The following CCDC126 variants were observed in gnomAD, a reference collection of about 807,000 sequenced individuals.
CCDC126 encodes coiled-coil domain-containing protein 126.
CCDC126 carries 5 observed loss-of-function variants against 11.7 expected under a neutral mutation model. That is an observed-to-expected ratio of 0.43 (90% confidence interval 0.22 to 0.90). The LOEUF (loss-of-function observed/expected upper bound fraction) is 0.90. Among genes scored for constraint, CCDC126 ranks in the 40% least tolerant of loss-of-function variants. The pLI, the probability that CCDC126 is intolerant of heterozygous loss-of-function variation, is 0.27. For synonymous variants in CCDC126, 60 were observed against 61.9 expected, an observed-to-expected ratio of 0.97 and a Z score of 0.14; for missense variants, 150 against 163.1, an observed-to-expected ratio of 0.92 and a Z score of 0.44.
chr7:23,634,772 C>G (rs1783178145), intron 3 of CCDC126, among the ~76,000 whole-genome samples: 1 of 152,060 alleles, frequency 6.6e-6, no homozygotes, highest in East Asian at 1.9e-4. Flanking sequence ...TCTGGCGGTA[C>G]CCATGATTGT....
At chr7:23,619,712 C>G (rs1782857532) in intron 3 of CCDC126, among the ~76,000 whole-genome samples, 1 of 145,664 alleles carries the variant, frequency 6.9e-6, no homozygotes, top group Non-Finnish European at 1.5e-5. Flanking sequence ...GGTATATCTC[C>G]TAATGCTATC....
chr7:23,642,895 T>C, intron 3 of CCDC126, 36 bp from the exon 4 acceptor site: 1 of 1,570,512 alleles, frequency 6.4e-7, no homozygotes, highest in African/African-American at 1.4e-5. Flanking sequence ...TGAAGAGCTC[T>C]ATTAATGTTA....
intron 2 of CCDC126, among the ~76,000 whole-genome samples, chr7:23,606,955 A>C (rs1466979769): frequency 1.3e-5 from 2 of 151,864 alleles, no homozygotes; most frequent in Non-Finnish European, 2.9e-5. Flanking sequence ...AAAATTAGCT[A>C]GGCCTGGTGG....
intron 2 of CCDC126, among the ~76,000 whole-genome samples, chr7:23,600,317 G>T (rs1320949136): frequency 6.6e-6 from 1 of 151,138 alleles, no homozygotes; most frequent in African/African-American, 2.4e-5. Context: ...TTCTCTCAAG[G>T]CAGTGCATTT....
At chr7:23,626,518 T>A (rs1783018230) in intron 3 of CCDC126, among the ~76,000 whole-genome samples, 1 of 152,046 alleles carries the variant, frequency 6.6e-6, no homozygotes, top group Admixed American at 6.5e-5. Flanking sequence ...AAAATATTTA[T>A]TTTAGGTTTG....
intron 3 of CCDC126, among the ~76,000 whole-genome samples, chr7:23,612,609 G>C (rs1782736025): frequency 6.6e-6 from 1 of 151,556 alleles, no homozygotes; most frequent in Non-Finnish European, 1.5e-5. Context: ...AGAGGTCAAG[G>C]ATACAGTGAG....
chr7:23,622,751 TC>T, intron 3 of CCDC126: 1 of 517,944 alleles, frequency 1.9e-6, no homozygotes, highest in Admixed American at 2.0e-5. Context: ...TTCCTGGAGT[TC>T]CTGTCATGTA....
chr7:23,635,232 A>G (rs1783189524), intron 3 of CCDC126, among the ~76,000 whole-genome samples: 1 of 152,228 alleles, frequency 6.6e-6, no homozygotes, highest in African/African-American at 2.4e-5. Flanking sequence ...GTTCATTTCA[A>G]ACATTTGTCG....
At chr7:23,637,020 A>C (rs74824711) in intron 3 of CCDC126, among the ~76,000 whole-genome samples, 2 of 25,934 alleles carry the variant, frequency 7.7e-5, no homozygotes, top group East Asian at 1.1e-3. Context: ...CCGTCCGGGA[A>C]GGGGGAGGGG....
At chr7:23,600,478 G>C (rs146642729) in intron 2 of CCDC126, among the ~76,000 whole-genome samples, 131 of 149,028 alleles carry the variant, frequency 8.8e-4, no homozygotes, top group African/African-American at 3.2e-3. Flanking sequence ...GGTCAAGTCT[G>C]TGGAGGACTT....
intron 2 of CCDC126, among the ~76,000 whole-genome samples, chr7:23,606,707 C>T (rs1226088336): frequency 6.6e-6 from 1 of 152,108 alleles, no homozygotes; most frequent in East Asian, 1.9e-4. Flanking sequence ...GCACTTTCTC[C>T]TGGGAATCTT....
intron 3 of CCDC126, among the ~76,000 whole-genome samples, chr7:23,617,201 A>C (rs1782807727): frequency 6.6e-6 from 1 of 151,820 alleles, no homozygotes; most frequent in African/African-American, 2.4e-5. Context: ...TACGAAAATT[A>C]TCTGGACGTG....
At position 23,597,445 on chromosome 7, in the gene CCDC126, A is replaced by T. The variant is rs1171916132; in HGVS notation, c.-391A>T. The T allele has an allele frequency of 6.6e-6, 1 of 152,096 alleles. No individual in the cohort carries two copies. Among genetic ancestry groups the T allele is most frequent in the Non-Finnish European group, 1.5e-5 (1 of 68,076 alleles). 9.4% of individuals were successfully genotyped at this position (152,096 alleles called of 1,614,324 possible). A position where few individuals can be genotyped will look rare whatever the true frequency, so the allele number is the denominator to read the frequency against. On this transcript the variant is annotated 5_prime_UTR_variant, in exon 1 of 4. Coordinates refer to ENST00000307471, the MANE Select transcript of CCDC126 (RefSeq NM_138771.4). ...TAAAATCTCCACAAGCTGGGAACAA[A>T]CCTCGTCCCAACTCCCACCCACCGG... is the stretch of plus-strand genomic sequence containing the variant.
intron 3 of CCDC126, among the ~76,000 whole-genome samples, chr7:23,628,859 TG>T (rs1188348995): frequency 6.6e-6 from 1 of 152,084 alleles, no homozygotes; most frequent in Non-Finnish European, 1.5e-5. Flanking sequence ...GGAGAGTACA[TG>T]GGGACCTGGA....
chr7:23,622,968 C>T (rs372746473), intron 3 of CCDC126: 88 of 92,046 alleles, frequency 9.6e-4, no homozygotes, highest in Middle Eastern at 6.1e-3. Context: ...TATGCTCACT[C>T]TTTTTTTTTT....
At chr7:23,624,443 A>G (rs1408935837) in intron 3 of CCDC126, among the ~76,000 whole-genome samples, 1 of 152,234 alleles carries the variant, frequency 6.6e-6, no homozygotes, top group East Asian at 1.9e-4. Flanking sequence ...CTGGCCAGCC[A>G]GATATTATAG....
At chr7:23,605,399 TTGTGTGTGTGTGTGTGTGTGTG>T (rs3219575) in intron 2 of CCDC126, among the ~76,000 whole-genome samples, 1 of 148,824 alleles carries the variant, frequency 6.7e-6, no homozygotes, top group African/African-American at 2.5e-5. Context: ...TGTGATATGC[TTGTGTGTGTGTGTGTGTGTGTG>T]TGTGTGTGTG....
At chr7:23,619,389 C>A in intron 3 of CCDC126, 1 of 402,398 alleles carries the variant, frequency 2.5e-6, no homozygotes. Flanking sequence ...TGCTTAAACT[C>A]AGAGATCAGA....
chr7:23,621,148 C>G (rs537098477), intron 3 of CCDC126, among the ~76,000 whole-genome samples: 10 of 152,298 alleles, frequency 6.6e-5, no homozygotes, highest in African/African-American at 1.7e-4. Flanking sequence ...GGATGGCATT[C>G]AATCTATAAA....
Sources: gnomAD v4.1 joint callset for allele counts (sites outside exome capture counted in the v4.1 genomes callset) on GRCh38, gnomAD v4.1.1 for gene constraint, MANE v1.5 for transcripts, NCBI Gene and HGNC (gene_info 2026-07-23, HGNC 2026-07-21) for gene names.